Variants in SLC25A21 observed in about 807,000 individuals in gnomAD.
SLC25A21 encodes mitochondrial 2-oxodicarboxylate carrier.
In SLC25A21, 47 loss-of-function variants were observed where a neutral mutation model predicts 43.8. That is an observed-to-expected ratio of 1.07 (90% CI 0.85 to 1.37). The LOEUF (loss-of-function observed/expected upper bound fraction) is 1.37, where lower values mean the gene tolerates loss of function less well. SLC25A21 is among the 40% of genes most tolerant of loss of function. The probability of loss-of-function intolerance (pLI) is 0.00; values close to 1 mark genes in which losing one functional copy is unlikely to be tolerated. For missense variants in SLC25A21, 352 were observed against 350.2 expected, an observed-to-expected ratio of 1.00 and a Z score of -0.04; for synonymous variants, 131 against 121.3, an observed-to-expected ratio of 1.08 and a Z score of -0.52.
intron 2 of SLC25A21, among the ~76,000 whole-genome samples, chr14:36,859,483 T>C (rs848045): frequency 0.34 from 51,743 of 151,978 alleles, 9,774 homozygotes; most frequent in East Asian, 0.46. Context: ...GGAGGGTGAG[T>C]CTTCTCTTCC....
At chr14:36,889,235 A>G (rs1466871232) in intron 1 of SLC25A21, among the ~76,000 whole-genome samples, 1 of 152,220 alleles carries the variant, frequency 6.6e-6, no homozygotes. Flanking sequence ...GCAGCCATAT[A>G]GTTTAATCAC....
chr14:37,052,216 A>G (rs546402184), intron 1 of SLC25A21, among the ~76,000 whole-genome samples: 1 of 152,372 alleles, frequency 6.6e-6, no homozygotes, highest in East Asian at 1.9e-4. Context: ...GAAGAACTAA[A>G]GAAATGTGAT....
At chr14:36,882,767 T>A (rs74047037) in intron 1 of SLC25A21, among the ~76,000 whole-genome samples, 3,341 of 151,658 alleles carry the variant, frequency 0.022, 115 homozygotes, top group African/African-American at 0.077. Flanking sequence ...GTTTGACATC[T>A]CTGCCTGGAT....
chr14:36,849,580 A>T (rs766487071), intron 2 of SLC25A21, among the ~76,000 whole-genome samples: 5 of 152,218 alleles, frequency 3.3e-5, no homozygotes, highest in Non-Finnish European at 5.9e-5. Context: ...GATTCAATGA[A>T]ATACAAATTT....
chr14:36,932,520 A>T (rs1258127091), intron 1 of SLC25A21, among the ~76,000 whole-genome samples: 4 of 152,146 alleles, frequency 2.6e-5, no homozygotes, highest in Non-Finnish European at 4.4e-5. Flanking sequence ...TTGAGTGCCT[A>T]CTATGTGCTG....
rs186103255 is a variant in SLC25A21 at position 37,084,701 on chromosome 14, C to T, written c.70+87580G>A. Among the ~76,000 whole-genome samples, 18 of 152,276 alleles carry T rather than the reference C, an allele frequency of 1.2e-4. No individual in the cohort carries two copies. The East Asian group carries it at 3.3e-3, about 28-fold the overall frequency. The stretch of plus-strand genomic sequence containing the variant: ...TGCATTTCAAGAGTAAGTTCCTAAT[C>T]GATTCAGAATAGTTACAAGTCACTT... On this transcript the variant is annotated intron_variant, in intron 1 of 9. Transcript: ENST00000331299.
chr14:37,065,114 T>C (rs1962033274), intron 1 of SLC25A21, among the ~76,000 whole-genome samples: 1 of 152,188 alleles, frequency 6.6e-6, no homozygotes, highest in Non-Finnish European at 1.5e-5. Context: ...GGAGTAGGAA[T>C]AATCTATGGT....
chr14:36,783,342 C>T (rs1887139861), intron 3 of SLC25A21, among the ~76,000 whole-genome samples: 1 of 152,096 alleles, frequency 6.6e-6, no homozygotes, highest in East Asian at 1.9e-4. Context: ...TACCAAGTGA[C>T]TCATCAGCAA....
At chr14:36,700,078 G>C (rs1883215006) in intron 7 of SLC25A21, among the ~76,000 whole-genome samples, 1 of 152,020 alleles carries the variant, frequency 6.6e-6, no homozygotes, top group African/African-American at 2.4e-5. Context: ...GGCCATCTTG[G>C]AACACCCCAC....
chr14:36,742,289 A>G lies in SLC25A21; in HGVS notation c.204-7716T>C, dbSNP rs190664549. On this transcript the variant is annotated intron_variant, in intron 3 of 9. Coordinates refer to ENST00000331299, the MANE Select transcript of SLC25A21 (RefSeq NM_030631.4). Reference sequence around the variant, plus strand: ...TGTCAGATCCAAGTTTTTTACCCACATGCTGTGGTTCTGTAATTAAAACAA... The same window carrying G: ...TGTCAGATCCAAGTTTTTTACCCACGTGCTGTGGTTCTGTAATTAAAACAA... 2.0e-5 allele frequency among the ~76,000 whole-genome samples: 3 copies of G among 152,274 alleles called. No homozygotes were observed. In the East Asian group the frequency reaches 5.8e-4, roughly 29 times the overall value.
chr14:37,103,825 G>T (rs917215100), intron 1 of SLC25A21, among the ~76,000 whole-genome samples: 1 of 152,164 alleles, frequency 6.6e-6, no homozygotes, highest in Non-Finnish European at 1.5e-5. Flanking sequence ...GGATGAGCTT[G>T]GTACTGAATC....
intron 7 of SLC25A21, among the ~76,000 whole-genome samples, chr14:36,688,693 C>T (rs1386271449): frequency 6.6e-6 from 1 of 152,220 alleles, no homozygotes; most frequent in East Asian, 1.9e-4. Flanking sequence ...ATGCCTTCCC[C>T]AGCTCACAGA....
chr14:37,123,714 C>T (rs967449475), intron 1 of SLC25A21, among the ~76,000 whole-genome samples: 1 of 151,888 alleles, frequency 6.6e-6, no homozygotes, highest in East Asian at 1.9e-4. Flanking sequence ...GGATTTTAAA[C>T]ACAGAAACTA....
At chr14:37,141,515 A>G (rs1258831179) in intron 1 of SLC25A21, among the ~76,000 whole-genome samples, 1 of 152,204 alleles carries the variant, frequency 6.6e-6, no homozygotes, top group Non-Finnish European at 1.5e-5. Context: ...TTTTAAAAAA[A>G]AAACTGAAAT....
intron 7 of SLC25A21, 52 bp downstream of exon 7, chr14:36,711,266 A>C: frequency 1.3e-6 from 2 of 1,541,118 alleles, no homozygotes; most frequent in Non-Finnish European, 1.8e-6. Context: ...AAACGGAGCT[A>C]TCATCACTGA....
intron 1 of SLC25A21, among the ~76,000 whole-genome samples, chr14:36,882,619 GA>G (rs1269453317): frequency 6.6e-6 from 1 of 152,050 alleles, no homozygotes; most frequent in Non-Finnish European, 1.5e-5. Context: ...ACCCACTGAA[GA>G]AGTTCTCTAC....
intron 1 of SLC25A21, among the ~76,000 whole-genome samples, chr14:37,020,807 T>C (rs1476574470): frequency 6.6e-6 from 1 of 151,966 alleles, no homozygotes; most frequent in African/African-American, 2.4e-5. Context: ...TCTTGATAAA[T>C]TATTACCAAA....
chr14:36,939,266 G>C (rs571589715), intron 1 of SLC25A21, among the ~76,000 whole-genome samples: 1 of 151,964 alleles, frequency 6.6e-6, no homozygotes, highest in Non-Finnish European at 1.5e-5. Flanking sequence ...CGGGTTGGGG[G>C]AGCAGTTTGT....
chr14:36,808,954 TAG>T (rs1888137616), intron 3 of SLC25A21: 1 of 152,134 alleles, frequency 6.6e-6, no homozygotes, highest in African/African-American at 2.4e-5. Flanking sequence ...ACATAATGTA[TAG>T]TCCCCTCACC....
Sources: allele counts gnomAD v4.1 joint callset (sites outside exome capture counted in the v4.1 genomes callset), GRCh38; gene constraint gnomAD v4.1.1; transcripts MANE v1.5; gene names NCBI Gene and HGNC (gene_info 2026-07-23, HGNC 2026-07-21).